PPP2R2D: variants seen among roughly 807,000 people sequenced by gnomAD.
The protein encoded by PPP2R2D is serine/threonine-protein phosphatase 2A 55 kDa regulatory subunit B delta isoform.
In PPP2R2D, 9 loss-of-function variants were observed where a neutral mutation model predicts 31.1. The ratio of observed to expected loss-of-function variants is 0.29; its 90% confidence interval spans 0.17 to 0.51. PPP2R2D has a LOEUF of 0.51. PPP2R2D is among the 20% of genes least tolerant of loss of function. PPP2R2D has a pLI of 0.98. For missense variants in PPP2R2D, 391 were observed against 465.6 expected (o/e 0.84, Z 1.48); for synonymous variants, 179 against 172.6 (o/e 1.04, Z -0.29).
intron 2 of PPP2R2D, among the ~76,000 whole-genome samples, chr10:131,933,737 C>T (rs1554896049): frequency 6.6e-6 from 1 of 151,974 alleles, no homozygotes; most frequent in African/African-American, 2.4e-5. Flanking sequence ...TAAATCCAGA[C>T]ACTCCCTTCC....
At chr10:131,915,273 G>A (rs1275201554) in intron 2 of PPP2R2D, among the ~76,000 whole-genome samples, 2 of 152,070 alleles carry the variant, frequency 1.3e-5, no homozygotes, top group East Asian at 1.9e-4. Flanking sequence ...CAGTGCGTTT[G>A]TAAACGTTCC....
the PPP2R2D span, chr10:131,968,786 C>T: frequency 6.8e-6 from 3 of 439,416 alleles, no homozygotes; most frequent in South Asian, 5.6e-5. Flanking sequence ...AACATCAGAT[C>T]GTATTCTTAC....
At chr10:131,904,750 G>A (rs2035555595) in intron 2 of PPP2R2D, among the ~76,000 whole-genome samples, 2 of 152,170 alleles carry the variant, frequency 1.3e-5, no homozygotes, top group African/African-American at 4.8e-5. Context: ...TAGAGATTAA[G>A]GCCTGGGTCC....
intron 3 of PPP2R2D, among the ~76,000 whole-genome samples, chr10:131,937,304 A>G (rs1419139563): frequency 6.6e-6 from 1 of 152,160 alleles, no homozygotes; most frequent in Non-Finnish European, 1.5e-5. Flanking sequence ...CCCAGCCAAT[A>G]AAACTAAGGC....
intron 2 of PPP2R2D, among the ~76,000 whole-genome samples, chr10:131,911,080 G>C: frequency 6.6e-6 from 1 of 152,314 alleles, no homozygotes; most frequent in Non-Finnish European, 1.5e-5. Flanking sequence ...AGTGAGGGTT[G>C]TGGACACTCT....
chr10:131,951,997 G>A (rs2036644910), intron 8 of PPP2R2D, among the ~76,000 whole-genome samples: 1 of 151,978 alleles, frequency 6.6e-6, no homozygotes, highest in Non-Finnish European at 1.5e-5. Context: ...GTGTGCAGAG[G>A]GGTCACTCTC....
intron 2 of PPP2R2D, chr10:131,912,630 CAT>C (rs1317273476): frequency 6.6e-6 from 1 of 152,274 alleles, no homozygotes; most frequent in Non-Finnish European, 1.5e-5. Flanking sequence ...TCATCATACA[CAT>C]GAGACGATCA....
intron 2 of PPP2R2D, among the ~76,000 whole-genome samples, chr10:131,914,812 C>T (rs1436374957): frequency 6.6e-6 from 1 of 152,094 alleles, no homozygotes; most frequent in Non-Finnish European, 1.5e-5. Context: ...GGTGGTCACG[C>T]CTCACTGAAC....
chr10:131,931,595 G>A (rs927691104), intron 2 of PPP2R2D, among the ~76,000 whole-genome samples: 2 of 152,168 alleles, frequency 1.3e-5, no homozygotes, highest in South Asian at 2.1e-4. Flanking sequence ...TGATCCACCC[G>A]CCTTGGCCTC....
downstream of PPP2R2D, among the ~76,000 whole-genome samples, chr10:131,960,244 ACTT>A (rs1442186458): frequency 2.0e-5 from 3 of 152,162 alleles, no homozygotes; most frequent in Non-Finnish European, 2.9e-5. Flanking sequence ...TGCGGAGAAA[ACTT>A]CTCTTTCCTG....
intron 2 of PPP2R2D, among the ~76,000 whole-genome samples, chr10:131,909,697 G>C (rs994768706): frequency 6.6e-6 from 1 of 152,170 alleles, no homozygotes; most frequent in Non-Finnish European, 1.5e-5. Context: ...CCTAGAGTTG[G>C]TTTGCAAAGT....
intron 3 of PPP2R2D, among the ~76,000 whole-genome samples, chr10:131,938,927 A>G (rs1252866225): frequency 1.3e-5 from 2 of 152,210 alleles, no homozygotes; most frequent in African/African-American, 4.8e-5. Context: ...CTTTCTCTCC[A>G]GGGCCAGATT....
At chr10:131,925,105 GAT>G (rs1564815427) in intron 2 of PPP2R2D, among the ~76,000 whole-genome samples, 1 of 152,174 alleles carries the variant, frequency 6.6e-6, no homozygotes, top group African/African-American at 2.4e-5. Flanking sequence ...TGTGAATAGA[GAT>G]ATGTTACTCC....
chr10:131,970,275 C>A, the PPP2R2D span: 1 of 256,636 alleles, frequency 3.9e-6, no homozygotes, highest in Non-Finnish European at 7.4e-6. This position sits in a 1 kb window ranked among gnomAD's most constrained non-coding sequence, Gnocchi z 4.1. Context: ...AGACCCTCCA[C>A]CTACAGCAGA....
chr10:131,904,203 C>CA (rs1308536061), intron 2 of PPP2R2D, among the ~76,000 whole-genome samples: 85,244 of 117,518 alleles, frequency 0.73, 31,468 homozygotes, highest in Middle Eastern at 0.78. Flanking sequence ...GACTCCGTCT[C>CA]AAAAAAAAAA....
At chr10:131,920,527 A>G (rs1251802693) in intron 2 of PPP2R2D, among the ~76,000 whole-genome samples, 1 of 152,278 alleles carries the variant, frequency 6.6e-6, no homozygotes, top group East Asian at 1.9e-4. Context: ...GATGTTTCAA[A>G]GGCTCAGCCA....
downstream of PPP2R2D, among the ~76,000 whole-genome samples, chr10:131,961,168 A>G (rs1329441984): frequency 6.6e-6 from 1 of 152,076 alleles, no homozygotes; most frequent in African/African-American, 2.4e-5. Context: ...ACGCTTCCCC[A>G]ACCCCTGGGA....
chr10:131,968,689 CCCAT>C, the PPP2R2D span: 4 of 753,110 alleles, frequency 5.3e-6, no homozygotes, highest in East Asian at 1.1e-4. Flanking sequence ...TGATTTTATA[CCCAT>C]TATAAAAATT....
intron 2 of PPP2R2D, among the ~76,000 whole-genome samples, chr10:131,909,071 G>A (rs1437614146): frequency 6.6e-6 from 1 of 152,216 alleles, no homozygotes; most frequent in Non-Finnish European, 1.5e-5. Context: ...GGTAGGGAGT[G>A]GAGGGGAGGA....
Sources: gnomAD v4.1 joint callset for allele counts (sites outside exome capture counted in the v4.1 genomes callset) on GRCh38, gnomAD v4.1.1 for gene constraint, Gnocchi (gnomAD v3.1) non-coding constraint, MANE v1.5 for transcripts, NCBI Gene and HGNC (gene_info 2026-07-23, HGNC 2026-07-21) for gene names.